Variants in AGO3 observed in about 807,000 individuals in gnomAD.
AGO3 encodes protein argonaute-3.
In AGO3, 16 loss-of-function variants were observed where a neutral mutation model predicts 105.5. That is an observed-to-expected ratio of 0.15 (90% CI 0.10 to 0.23). The LOEUF (loss-of-function observed/expected upper bound fraction) is 0.23, where lower values mean the gene tolerates loss of function less well. Among genes scored for constraint, AGO3 ranks in the 10% least tolerant of loss-of-function variants. The pLI is 1.00. For synonymous variants in AGO3, 340 were observed against 367.3 expected, an observed-to-expected ratio of 0.93 and a Z score of 0.85; for missense variants, 534 against 1,088.0, an observed-to-expected ratio of 0.49 and a Z score of 7.16.
intron 9 of AGO3, 25 bp downstream of exon 9, chr1:36,009,619 G>A (rs1569757943): frequency 1.9e-6 from 3 of 1,599,646 alleles, no homozygotes; most frequent in Non-Finnish European, 2.6e-6. Context: ...TTAGAAATGA[G>A]AATTTAAAAC....
At chr1:35,973,694 C>T (rs950828647) in intron 5 of AGO3, 183 bp downstream of exon 5, 3 of 591,392 alleles carry the variant, frequency 5.1e-6, no homozygotes, top group African/African-American at 3.9e-5. Context: ...TAGAATTTAC[C>T]TTGGAATGCT....
At chr1:35,961,123 T>G (rs1364194835) in intron 2 of AGO3, among the ~76,000 whole-genome samples, 1 of 151,690 alleles carries the variant, frequency 6.6e-6, no homozygotes, top group East Asian at 1.9e-4. Context: ...TTTTTTTTTT[T>G]TGTATTTTTA....
intron 2 of AGO3, among the ~76,000 whole-genome samples, chr1:35,952,110 G>GTCTTTCTT (rs146413112): frequency 6.7e-4 from 76 of 113,006 alleles, no homozygotes; most frequent in Admixed American, 1.4e-3. Flanking sequence ...TTCTGGGTCG[G>GTCTTTCTT]TCTTTCTTTC....
chr1:36,010,916 AAAGAG>A (rs1273365470), intron 9 of AGO3, among the ~76,000 whole-genome samples: 1 of 151,612 alleles, frequency 6.6e-6, no homozygotes, highest in African/African-American at 2.4e-5. Context: ...AAAAAAAAAA[AAAGAG>A]AGAGAGAGAG....
chr1:35,934,894 TG>T (rs1484581860), intron 1 of AGO3, among the ~76,000 whole-genome samples: 1 of 152,164 alleles, frequency 6.6e-6, no homozygotes, highest in African/African-American at 2.4e-5. Flanking sequence ...TCAGGTGATC[TG>T]CCTGCCTCGG....
chr1:36,021,632 A>C (rs1478313515), intron 11 of AGO3, among the ~76,000 whole-genome samples: 6 of 152,206 alleles, frequency 3.9e-5, no homozygotes, highest in Admixed American at 3.3e-4. Context: ...TTGAGGTCAA[A>C]AAAAGACTTA....
chr1:36,026,022 CAG>C (rs1179371226), intron 11 of AGO3, among the ~76,000 whole-genome samples: 2 of 150,734 alleles, frequency 1.3e-5, no homozygotes, highest in Non-Finnish European at 2.9e-5. Context: ...GCCTGGGCAA[CAG>C]AGTGAGACTC....
intron 9 of AGO3, among the ~76,000 whole-genome samples, chr1:36,009,932 CTTTTTTTTTTT>C (rs58385070): frequency 5.2e-5 from 3 of 58,204 alleles, no homozygotes; most frequent in African/African-American, 7.3e-5. Context: ...TACTAAAATT[CTTTTTTTTTTT>C]TTTTTTTTTT....
At chr1:35,944,290 C>T (rs187035428) in intron 1 of AGO3, among the ~76,000 whole-genome samples, 63 of 151,952 alleles carry the variant, frequency 4.1e-4, no homozygotes, top group Non-Finnish European at 4.4e-5. Context: ...GTCTCAAACT[C>T]CTAAGCTCCT....
chr1:36,028,060 G>C (rs1468898854), intron 12 of AGO3, among the ~76,000 whole-genome samples: 2 of 151,934 alleles, frequency 1.3e-5, no homozygotes, highest in Non-Finnish European at 2.9e-5. Context: ...GTGTATGTAT[G>C]GGATAGGATC....
chr1:35,931,498 T>C, intron 1 of AGO3, 53 bp downstream of exon 1: 1 of 1,389,754 alleles, frequency 7.2e-7, no homozygotes, highest in Non-Finnish European at 9.4e-7. Flanking sequence ...TACTGTCCTC[T>C]GAGCATCCCT....
At chr1:36,048,272 A>G (rs1642560322) in intron 17 of AGO3, among the ~76,000 whole-genome samples, 1 of 152,098 alleles carries the variant, frequency 6.6e-6, no homozygotes, top group South Asian at 2.1e-4. Flanking sequence ...CAACGGAGTG[A>G]GACCCTGTCT....
At position 36,064,672 on chromosome 1, in the gene AGO3, C is replaced by A. The variant is rs1407426569; in HGVS notation, c.*8927C>A. 2 of 152,054 alleles carry A rather than the reference C, an allele frequency of 1.3e-5. No homozygotes were observed. Among genetic ancestry groups the A allele is most frequent in the Non-Finnish European group, 2.9e-5 (2 of 68,024 alleles). 9.4% of individuals were successfully genotyped at this position (152,054 alleles called of 1,614,324 possible). ...TATTTTTATATGATGTAAAGTTTTA[C>A]AGTTTAAAATAGATCAGCATGTGAT... is the stretch of plus-strand genomic sequence containing the variant. On this transcript the variant is annotated 3_prime_UTR_variant, in exon 19 of 19. Coordinates refer to ENST00000373191, the MANE Select transcript of AGO3 (RefSeq NM_024852.4).
rs983340136 is a variant in AGO3 at position 36,043,375 on chromosome 1, A to AT, written c.2173-66dup. 1.8e-5 allele frequency: 23 copies of AT among 1,244,940 alleles called. No homozygotes were observed. In the East Asian group the frequency reaches 3.6e-4, roughly 19 times the overall value. 77.1% of individuals were successfully genotyped at this position (1,244,940 alleles called of 1,614,324 possible). ...GTAGGATCAGCCTATGTATTCATAC[A>AT]TTTTTTAAAGTGCTTTCAGATATAT... On this transcript the variant is annotated intron_variant, in intron 16 of 18. Transcript: ENST00000373191.
chr1:36,020,141 C>T (rs988846446), intron 11 of AGO3, among the ~76,000 whole-genome samples: 1 of 152,126 alleles, frequency 6.6e-6, no homozygotes, highest in Non-Finnish European at 1.5e-5. Context: ...TTTTTAAGGA[C>T]TCAGGAAGGA....
chr1:36,011,627 A>G (rs531332697), intron 9 of AGO3, among the ~76,000 whole-genome samples: 2 of 152,270 alleles, frequency 1.3e-5, no homozygotes, highest in Admixed American at 1.3e-4. Flanking sequence ...GAGTCTAACA[A>G]CCCTGGGTTG....
chr1:36,046,720 C>T lies in AGO3; in HGVS notation c.2274+3172C>T, dbSNP rs1642490115. 2.8e-5 allele frequency among the ~76,000 whole-genome samples: 4 copies of T among 144,346 alleles called. No homozygotes were observed. In the South Asian group the frequency reaches 6.7e-4, roughly 24 times the overall value. The allele number at this position is 144,346 out of a possible 152,430, so 94.7% of individuals were successfully genotyped here. On this transcript the variant is annotated intron_variant, in intron 17 of 18. Coordinates refer to ENST00000373191, the MANE Select transcript of AGO3 (RefSeq NM_024852.4). ...TTGCATCTCAATGTACTAAGCAGTG[C>T]CTTAGTCATCCAGAGCAGTCACACA...
In AGO3 at chr1:35,931,412, C is replaced by A; in HGVS notation, c.-15C>A. 4 of 1,491,874 alleles carry A rather than the reference C, an allele frequency of 2.7e-6. No homozygotes were observed. Among genetic ancestry groups the A allele is most frequent in the Non-Finnish European group, 3.6e-6 (4 of 1,118,782 alleles). 92.4% of individuals were successfully genotyped at this position (1,491,874 alleles called of 1,614,324 possible). A position where few individuals can be genotyped will look rare whatever the true frequency, so the allele number is the denominator to read the frequency against. On this transcript the variant is annotated 5_prime_UTR_variant, in exon 1 of 19. Transcript: ENST00000373191. ...GGCTCCGTTCTCCCTCGAAGCACTC[C>A]CCCCAGCTCCATGAATGGAAATCGG...
At chr1:35,992,243 C>G (rs1017821899) in intron 5 of AGO3, 1 of 152,214 alleles carries the variant, frequency 6.6e-6, no homozygotes, top group Non-Finnish European at 1.5e-5. Context: ...GTGCTCTCAA[C>G]TGTGTCTGGC....
Sources: gnomAD v4.1 joint callset for allele counts (sites outside exome capture counted in the v4.1 genomes callset) on GRCh38, gnomAD v4.1.1 for gene constraint, MANE v1.5 for transcripts, NCBI Gene and HGNC (gene_info 2026-07-23, HGNC 2026-07-21) for gene names.